The following ANKRD55 variants were observed in gnomAD, a reference collection of about 807,000 sequenced individuals.
ANKRD55 encodes the protein ankyrin repeat domain 55, also known as ankyrin repeat domain-containing protein 55.
In ANKRD55, 41 loss-of-function variants were observed where a neutral mutation model predicts 60.6. The ratio of observed to expected loss-of-function variants is 0.68; its 90% confidence interval spans 0.53 to 0.88. The LOEUF (loss-of-function observed/expected upper bound fraction) is 0.88. Ranked by LOEUF, ANKRD55 falls within the 40% of genes least tolerant of loss-of-function variation. ANKRD55 has a pLI of 0.00. For synonymous variants in ANKRD55, 264 were observed against 290.3 expected, an observed-to-expected ratio of 0.91 and a Z score of 0.92; for missense variants, 732 against 767.6, an observed-to-expected ratio of 0.95 and a Z score of 0.55.
chr5:56,107,517 C>T (rs984154571), intron 10 of ANKRD55, among the ~76,000 whole-genome samples: 2 of 152,166 alleles, frequency 1.3e-5, no homozygotes, highest in African/African-American at 4.8e-5. Context: ...TCTAATATCT[C>T]CTCCCTCACT....
At chr5:56,100,413 G>T in intron 11 of ANKRD55, 109 bp from the exon 12 acceptor site, 2 of 1,338,434 alleles carry the variant, frequency 1.5e-6, no homozygotes, top group Non-Finnish European at 2.1e-6. Flanking sequence ...TAAGAAGTGT[G>T]TCTTGGTGAG....
At chr5:56,166,119 T>TTCTTTCC (rs1554040801) in intron 5 of ANKRD55, among the ~76,000 whole-genome samples, 1 of 57,606 alleles carries the variant, frequency 1.7e-5, no homozygotes, top group East Asian at 3.3e-4. Context: ...TCTTTCTTTC[T>TTCTTTCC]TTCTTTCTTT....
At position 56,170,693 on chromosome 5, in the gene ANKRD55, C is replaced by A. The variant is rs1297281869; in HGVS notation, c.422+1G>T. The A allele has an allele frequency of 6.2e-7, 1 of 1,613,704 alleles. No individual in the cohort carries two copies. Among genetic ancestry groups the A allele is most frequent in the South Asian group, 1.1e-5 (1 of 91,078 alleles). On this transcript the variant is annotated splice_donor_variant, in intron 5 of 11. Coordinates refer to ENST00000341048, the MANE Select transcript of ANKRD55 (RefSeq NM_024669.3). LOFTEE classifies it high-confidence loss of function. ...AGCATCATGTAAACCTGGCCACTTA[C>A]CTCATATCGGGCTCAGCAGTGGCAG... is the stretch of plus-strand genomic sequence containing the variant.
chr5:56,182,240 G>A (rs1581006599), intron 3 of ANKRD55, among the ~76,000 whole-genome samples: 1 of 151,956 alleles, frequency 6.6e-6, no homozygotes, highest in South Asian at 2.1e-4. Flanking sequence ...TTTCGGGGGG[G>A]ATTTTAAAAT....
intron 10 of ANKRD55, 87 bp downstream of exon 10, chr5:56,111,031 T>C (rs1360429700): frequency 7.6e-6 from 11 of 1,454,444 alleles, no homozygotes; most frequent in Middle Eastern, 3.7e-4. Flanking sequence ...TTCTAGGCTA[T>C]TGTCACTCCA....
chr5:56,143,624 C>T (rs1757824239), intron 7 of ANKRD55, among the ~76,000 whole-genome samples, 177 bp downstream of exon 7: 1 of 152,138 alleles, frequency 6.6e-6, no homozygotes, highest in Admixed American at 6.5e-5. Context: ...AAGGCAGGCT[C>T]TGCTTGATAT....
chr5:56,159,878 C>T lies in ANKRD55; in HGVS notation c.438G>A (p.Leu146=). The T allele has an allele frequency of 6.2e-7, 1 of 1,613,854 alleles. No homozygotes were observed. The highest frequency in any genetic ancestry group is 8.5e-7 in the Non-Finnish European group (1 of 1,179,820). ...TCTCGCTGATGTTCGACTGTTGCAA[C>T]AGGACCGTGAGGAGCCTGTAAGGAA... ...AEPDMRLLTV[L]LQQSNISEIN... is the part of the protein sequence containing the mutation. The change falls in exon 6 of 12, where the codon CTG becomes CTA. Residue 146 remains leucine, a synonymous_variant. Coordinates refer to ENST00000341048, the MANE Select transcript of ANKRD55 (RefSeq NM_024669.3).
intron 7 of ANKRD55, among the ~76,000 whole-genome samples, chr5:56,142,679 G>A (rs1024719351): frequency 6.6e-6 from 1 of 152,214 alleles, no homozygotes; most frequent in African/African-American, 2.4e-5. Context: ...GCCCAGCCAG[G>A]TTCCTCTGTG....
intron 9 of ANKRD55, among the ~76,000 whole-genome samples, chr5:56,115,832 T>G (rs1295365339): frequency 6.6e-6 from 1 of 152,106 alleles, no homozygotes; most frequent in Non-Finnish European, 1.5e-5. Context: ...GCATATTTTA[T>G]TAAAAATTTC....
intron 2 of ANKRD55, among the ~76,000 whole-genome samples, chr5:56,189,310 CAAAAAAAA>C (rs201026805): frequency 4.5e-5 from 4 of 89,700 alleles, no homozygotes; most frequent in Admixed American, 3.5e-4. Context: ...GACTCTGTCT[CAAAAAAAA>C]AAAAAAAAAA....
At chr5:56,132,913 T>G (rs966086774) in intron 7 of ANKRD55, among the ~76,000 whole-genome samples, 2 of 152,140 alleles carry the variant, frequency 1.3e-5, no homozygotes, top group African/African-American at 4.8e-5. Flanking sequence ...CAAAGAAAGT[T>G]GTTAGGGATA....
intron 5 of ANKRD55, among the ~76,000 whole-genome samples, chr5:56,167,337 G>A (rs1477037753): frequency 6.6e-6 from 1 of 152,232 alleles, no homozygotes; most frequent in Non-Finnish European, 1.5e-5. Context: ...TTGTAACACA[G>A]TGGTAAGTAT....
chr5:56,159,704 G>T lies in ANKRD55; in HGVS notation c.483+129C>A, dbSNP rs1019054812. 3.3e-5 allele frequency: 29 copies of T among 887,316 alleles called. No individual in the cohort carries two copies. In the African/African-American group the frequency reaches 4.5e-4, roughly 14 times the overall value. The allele number at this position is 887,316 out of a possible 1,614,324, so 55.0% of individuals were successfully genotyped here. ...ATAGTGAAAACAGGTCTCCCTTTCA[G>T]GGTAGGAACACAGAACCATGCCTCA... On this transcript the variant is annotated intron_variant, in intron 6 of 11. Transcript: ENST00000341048.
chr5:56,232,915 T>C lies in ANKRD55; in HGVS notation c.-2A>G. 6.2e-7 allele frequency: 1 copy of C among 1,614,108 alleles called. No individual in the cohort carries two copies. The highest frequency in any genetic ancestry group is 8.5e-7 in the Non-Finnish European group (1 of 1,179,984). ...ATCCATGGTAGCCTGTCTCATCATT[T>C]ACCATCAGAATGGCAAAAAGCATCC... On this transcript the variant is annotated 5_prime_UTR_variant, in exon 2 of 12. Coordinates refer to ENST00000341048, the MANE Select transcript of ANKRD55 (RefSeq NM_024669.3).
chr5:56,212,380 G>T (rs1683822305), intron 2 of ANKRD55, among the ~76,000 whole-genome samples: 1 of 152,112 alleles, frequency 6.6e-6, no homozygotes, highest in Non-Finnish European at 1.5e-5. Flanking sequence ...TTTCAAACCA[G>T]TTGCAAACAT....
At chr5:56,185,683 T>G (rs531563001) in intron 2 of ANKRD55, among the ~76,000 whole-genome samples, 23 of 151,474 alleles carry the variant, frequency 1.5e-4, no homozygotes, top group Non-Finnish European at 2.7e-4. Context: ...AAAAAAAAAG[T>G]AAAAAAAGAG....
chr5:56,151,671 GGCA>G (rs1758049425), intron 6 of ANKRD55, among the ~76,000 whole-genome samples: 2 of 151,806 alleles, frequency 1.3e-5, no homozygotes, highest in South Asian at 4.2e-4. Context: ...AAATTAACCG[GGCA>G]TGGTGGCAGG....
chr5:56,143,709 C>A, intron 7 of ANKRD55, 92 bp downstream of exon 7: 1 of 1,547,292 alleles, frequency 6.5e-7, no homozygotes, highest in South Asian at 1.2e-5. Context: ...AGAGCTGAAA[C>A]CTCCATCTTT....
chr5:56,143,957 A>G (rs1234663824), intron 6 of ANKRD55, 28 bp from the exon 7 acceptor site: 2 of 1,612,908 alleles, frequency 1.2e-6, no homozygotes, highest in South Asian at 2.2e-5. Flanking sequence ...GAGAGGACAG[A>G]GATGAGCACA....
Sources: allele counts gnomAD v4.1 joint callset (sites outside exome capture counted in the v4.1 genomes callset), GRCh38; gene constraint gnomAD v4.1.1; transcripts MANE v1.5; gene names NCBI Gene and HGNC (gene_info 2026-07-23, HGNC 2026-07-21).